The following EGR4 variants were observed in gnomAD, a reference collection of about 807,000 sequenced individuals.
EGR4 encodes the protein early growth response 4.
EGR4 carries 22 observed loss-of-function variants against 25.4 expected under a neutral mutation model. The observed-to-expected ratio is 0.87, with a 90% confidence interval of 0.62 to 1.24. The LOEUF (loss-of-function observed/expected upper bound fraction) is 1.24. Among genes scored for constraint, EGR4 ranks in the 50% most tolerant of loss-of-function variants. The pLI is 0.00. For missense variants in EGR4, 742 were observed against 702.9 expected (o/e 1.06, Z -0.63); for synonymous variants, 375 against 320.1 (o/e 1.17, Z -1.83).
chr2:73,293,485 C>T lies in EGR4; in HGVS notation c.-168G>A. 1 of 1,504,220 alleles carries T rather than the reference C, an allele frequency of 6.6e-7. No homozygotes were observed. Among genetic ancestry groups the T allele is most frequent in the Non-Finnish European group, 8.8e-7 (1 of 1,129,944 alleles). 93.2% of individuals were successfully genotyped at this position (1,504,220 alleles called of 1,614,324 possible). On this transcript the variant is annotated 5_prime_UTR_variant, in exon 1 of 2. Coordinates refer to ENST00000436467, the MANE Select transcript of EGR4 (RefSeq NM_001965.4). ...GGAAAGGAGTCGGGGAGCCGCGGCGCCCTCGCTCGCCCGCACCGGCCTCGG... is the reference window on the plus strand; with the variant it reads ...GGAAAGGAGTCGGGGAGCCGCGGCGTCCTCGCTCGCCCGCACCGGCCTCGG...
rs1444241113 is a variant in EGR4, at chr2:73,291,764, T to C, written c.1154A>G (p.Glu385Gly). 6.2e-7 allele frequency: 1 copy of C among 1,601,240 alleles called. No individual in the cohort carries two copies. The highest frequency in any genetic ancestry group is 1.3e-5 in the African/African-American group (1 of 74,884). ...GCGCGCAAAGCTCCGCACACAACTC[T>C]CCACCGGGCAAGCGAAGGCCTTGGC... ...PHAKAFACPV[E>G]SCVRSFARSD... is the part of the protein sequence containing the mutation. The change falls in exon 2 of 2, where the codon GAG becomes GGG. Residue 385 changes from glutamate to glycine, a missense_variant. Physicochemically the swap from Glu to Gly is moderately conservative, Grantham distance 98 (BLOSUM62 -2). Transcript: ENST00000436467.
chr2:73,292,080 C>T lies in EGR4; in HGVS notation c.838G>A (p.Ala280Thr), dbSNP rs1251234337. 7 of 1,610,648 alleles carry T rather than the reference C, an allele frequency of 4.3e-6. No homozygotes were observed. Among genetic ancestry groups the T allele is most frequent in the Non-Finnish European group, 5.9e-6 (7 of 1,178,766 alleles). ...GTCAGGAGCCCAGGGAGGCCCTCAG[C>T]CCCCTCCCCTAAGTCACCCGGGGCC... is the stretch of plus-strand genomic sequence containing the variant. The part of the protein sequence containing the change: ...PLAPGDLGEG[A>T]EGLPGLLTPP... Residue 280 changes from alanine to threonine, a missense_variant, in exon 2 of 2, where the codon GCT (alanine) becomes ACT (threonine). Physicochemically the swap from Ala to Thr is moderately conservative, Grantham distance 58 (BLOSUM62 0). Transcript: ENST00000436467.
At position 73,292,770 on chromosome 2, in the gene EGR4, A is replaced by G. The variant is rs752488413; in HGVS notation, c.148T>C (p.Leu50=). ...ATGYPGAGDF[L]SWALNSCGAS... Reference sequence around the variant, plus strand: ...CCGCAGCTGTTCAAAGCCCAGCTCAAGAAGTCGCCTGCTGAGGAGGGAGCA... The same window carrying G: ...CCGCAGCTGTTCAAAGCCCAGCTCAGGAAGTCGCCTGCTGAGGAGGGAGCA... The change falls in exon 2 of 2, where the codon TTG becomes CTG. Residue 50 remains leucine (L), a synonymous_variant. Coordinates refer to ENST00000436467, the MANE Select transcript of EGR4 (RefSeq NM_001965.4). The G allele has an allele frequency of 2.3e-5, 33 of 1,448,284 alleles. No individual in the cohort carries two copies. The highest frequency in any genetic ancestry group is 2.9e-5 in the African/African-American group (2 of 68,834). 89.7% of individuals were successfully genotyped at this position (1,448,284 alleles called of 1,614,324 possible). A position where few individuals can be genotyped will look rare whatever the true frequency, so the allele number is the denominator to read the frequency against.
At chr2:73,293,152 C>T (rs773249919) in intron 1 of EGR4, 30 bp downstream of exon 1, 67 of 1,429,782 alleles carry the variant, frequency 4.7e-5, no homozygotes, top group Non-Finnish European at 6.1e-5. Context: ...GCGCCGTCGT[C>T]GTCTGAGCAC....
chr2:73,292,187 A>G lies in EGR4; in HGVS notation c.731T>C (p.Leu244Pro), dbSNP rs1480402786. 1.3e-6 allele frequency: 2 copies of G among 1,589,938 alleles called. No individual in the cohort carries two copies. The highest frequency in any genetic ancestry group is 1.1e-5 in the South Asian group (1 of 87,936). Residue 244 changes from leucine (L) to proline (P), a missense_variant, in exon 2 of 2, where the codon CTG becomes CCG. By Grantham distance (98) the Leu-to-Pro change is moderately conservative. Transcript: ENST00000436467. Reference protein sequence around the residue: ...PVIGTKIEDLLSISCPAELPA... With the variant: ...PVIGTKIEDLPSISCPAELPA... ...CAGTTCCGCAGGGCAGCTGATGGAC[A>G]GCAAGTCCTCAATCTTGGTCCCTAT... is the stretch of plus-strand genomic sequence containing the variant.
chr2:73,293,098 G>C, intron 1 of EGR4, 84 bp downstream of exon 1: 1 of 1,288,762 alleles, frequency 7.8e-7, no homozygotes, highest in Non-Finnish European at 1.0e-6. Context: ...TAGCTCCAAT[G>C]TCCCAGTCCC....
Position 73,291,916 on chromosome 2 carries a change from T to G in EGR4, c.1002A>C (p.Gly334=), listed in dbSNP as rs1482054399. 1 of 1,576,662 alleles carries G rather than the reference T, an allele frequency of 6.3e-7. No individual in the cohort carries two copies. The highest frequency in any genetic ancestry group is 8.6e-7 in the Non-Finnish European group (1 of 1,162,580). Residue 334 remains glycine, a synonymous_variant, in exon 2 of 2, where the codon GGA becomes GGC. Coordinates refer to ENST00000436467, the MANE Select transcript of EGR4 (RefSeq NM_001965.4). The stretch of plus-strand genomic sequence containing the variant: ...CGGGTGGTGCAGCCACGCCACTGCT[T>G]CCAGGGATGTCCGCCACCAGAGGTT... The part of the protein sequence containing the change: ...FPKPLVADIP[G]SSGVAAPPVP...
Position 73,292,774 on chromosome 2 carries a change from GT to G in EGR4, c.143del (p.Asp48AlafsTer3). 1 of 1,445,014 alleles carries G rather than the reference GT, an allele frequency of 6.9e-7. No individual in the cohort carries two copies. 89.5% of individuals were successfully genotyped at this position (1,445,014 alleles called of 1,614,324 possible). ...AGCTGTTCAAAGCCCAGCTCAAGAAGTCGCCTGCTGAGGAGGGAGCAGGAAT... is the reference window on the plus strand; with the variant it reads ...AGCTGTTCAAAGCCCAGCTCAAGAAGCGCCTGCTGAGGAGGGAGCAGGAAT... ...PAATGYPGAG[D>X]FLSWALNSCG... On this transcript the variant is annotated frameshift_variant, in exon 2 of 2. Coordinates refer to ENST00000436467, the MANE Select transcript of EGR4 (RefSeq NM_001965.4). LOFTEE classifies it high-confidence loss of function.
In EGR4 at chr2:73,291,011, T is replaced by A. The variant is rs1213026052; in HGVS notation, c.*446A>T. Reference sequence around the variant, plus strand: ...AGAGTAGCGTCTGCTTTACAAAAATTAACAACAACAAAAGGAAAAAAAACC... The same window carrying A: ...AGAGTAGCGTCTGCTTTACAAAAATAAACAACAACAAAAGGAAAAAAAACC... On this transcript the variant is annotated 3_prime_UTR_variant, in exon 2 of 2. Transcript: ENST00000436467. The A allele has an allele frequency of 5.9e-6, 1 of 168,306 alleles. No homozygotes were observed. The highest frequency in any genetic ancestry group is 1.7e-4 in the East Asian group (1 of 5,858). The allele number at this position is 168,306 out of a possible 1,614,324, so 10.4% of individuals were successfully genotyped here. A position where few individuals can be genotyped will look rare whatever the true frequency, so the allele number is the denominator to read the frequency against.
rs865991064 is a variant in EGR4, at chr2:73,293,230, G to T, written c.88C>A (p.Pro30Thr). 1 of 1,569,424 alleles carries T rather than the reference G, an allele frequency of 6.4e-7. No individual in the cohort carries two copies. The highest frequency in any genetic ancestry group is 8.6e-7 in the Non-Finnish European group (1 of 1,159,370). ...GGAGCGTCCCTGGCAGGCAGCCGGG[G>T]CAATTCAGCGCTGGGTTCGGCGCAA... ...GCCAEPSAEL[P>T]RLPARDAPAA... The change falls in exon 1 of 2, where the codon CCC (proline) becomes ACC (threonine). Residue 30 changes from proline (P) to threonine (T), a missense_variant. Pro to Thr is a conservative substitution (Grantham distance 38). Transcript: ENST00000436467.
rs908712759 is a variant in EGR4, at chr2:73,291,789, C to A, written c.1129G>T (p.Ala377Ser). 3.1e-6 allele frequency: 5 copies of A among 1,597,194 alleles called. No individual in the cohort carries two copies. The highest frequency in any genetic ancestry group is 1.7e-5 in the Admixed American group (1 of 59,766). ...TCCACCGGGCAAGCGAAGGCCTTGG[C>A]GTGCGGCCGCGGGCAGAAGCAGCGC... Reference protein sequence around the residue: ...STRCFCPRPHAKAFACPVESC... With the variant: ...STRCFCPRPHSKAFACPVESC... Residue 377 changes from alanine (A) to serine (S), a missense_variant, in exon 2 of 2, where the codon GCC becomes TCC. Physicochemically the swap from Ala to Ser is moderately conservative, Grantham distance 99. Coordinates refer to ENST00000436467, the MANE Select transcript of EGR4 (RefSeq NM_001965.4).
chr2:73,292,089 C>G lies in EGR4; in HGVS notation c.829G>C (p.Gly277Arg), dbSNP rs747425932. The G allele has an allele frequency of 1.9e-6, 3 of 1,609,972 alleles. No homozygotes were observed. In the African/African-American group the frequency reaches 4.0e-5, roughly 22 times the overall value. The change falls in exon 2 of 2, where the codon GGG becomes CGG. Residue 277 changes from glycine (G) to arginine (R), a missense_variant. Transcript: ENST00000436467. ...CCAGGGAGGCCCTCAGCCCCCTCCC[C>G]TAAGTCACCCGGGGCCAGCGGGAAA... Reference protein sequence around the residue: ...DAFPLAPGDLGEGAEGLPGLL... With the variant: ...DAFPLAPGDLREGAEGLPGLL...
Position 73,291,641 on chromosome 2 carries a change from G to C in EGR4, c.1277C>G (p.Thr426Ser). ...GCCGGTGTGGGTGCGCACGTGCGTG[G>C]TGAGGTGGTCGCTGCGGCTGAAGTT... ...LRNFSRSDHL[T>S]THVRTHTGEK... The change falls in exon 2 of 2, where the codon ACC becomes AGC. Residue 426 changes from threonine to serine, a missense_variant. Coordinates refer to ENST00000436467, the MANE Select transcript of EGR4 (RefSeq NM_001965.4). 1 of 1,612,592 alleles carries C rather than the reference G, an allele frequency of 6.2e-7. No homozygotes were observed.
At chr2:73,293,111 C>T in intron 1 of EGR4, 71 bp downstream of exon 1, 1 of 1,340,336 alleles carries the variant, frequency 7.5e-7, no homozygotes, top group Non-Finnish European at 9.8e-7. Flanking sequence ...CCAGTCCCTC[C>T]TGGTTCTCAG....
In EGR4 at chr2:73,291,706, G is replaced by A. The variant is rs1689105137; in HGVS notation, c.1212C>T (p.His404=). The A allele has an allele frequency of 6.2e-7, 1 of 1,607,132 alleles. No homozygotes were observed. The highest frequency in any genetic ancestry group is 1.3e-5 in the African/African-American group (1 of 75,052). Reference sequence around the variant, plus strand: ...GGCACTGGAAGGGTTTGTGGCCCGTGTGGATGCGCAGGTGGCGATTGAGCT... The same window carrying A: ...GGCACTGGAAGGGTTTGTGGCCCGTATGGATGCGCAGGTGGCGATTGAGCT... ...SDELNRHLRI[H]TGHKPFQCRI... Residue 404 remains histidine, a synonymous_variant, in exon 2 of 2, where the codon CAC becomes CAT. Coordinates refer to ENST00000436467, the MANE Select transcript of EGR4 (RefSeq NM_001965.4).
Position 73,293,303 on chromosome 2 carries a change from G to T in EGR4, c.15C>A (p.Ser5Arg). Residue 5 changes from serine (S) to arginine (R), a missense_variant, in exon 1 of 2, where the codon AGC becomes AGA. Coordinates refer to ENST00000436467, the MANE Select transcript of EGR4 (RefSeq NM_001965.4). ...GGAGCGCGTCGGGTTCGGAAAACTC[G>T]CTAAGGTGGAGCATGGCGCGGCGCC... MLHL[S>R]EFSEPDALLV... 1 of 1,587,624 alleles carries T rather than the reference G, an allele frequency of 6.3e-7. No individual in the cohort carries two copies. Among genetic ancestry groups the T allele is most frequent in the Non-Finnish European group, 8.5e-7 (1 of 1,169,636 alleles).
Position 73,292,579 on chromosome 2 carries a change from G to A in EGR4, c.339C>T (p.Pro113=). 1 of 1,510,258 alleles carries A rather than the reference G, an allele frequency of 6.6e-7. No individual in the cohort carries two copies. Among genetic ancestry groups the A allele is most frequent in the Non-Finnish European group, 8.8e-7 (1 of 1,129,954 alleles). 93.6% of individuals were successfully genotyped at this position (1,510,258 alleles called of 1,614,324 possible). A position where few individuals can be genotyped will look rare whatever the true frequency, so the allele number is the denominator to read the frequency against. The part of the protein sequence containing the change: ...NLMSGILGLA[P]FPGPEAAASR... ...ACGCTGCTGCCTCTGGACCGGGGAA[G>A]GGTGCCAGGCCTAAGATGCCCGACA... Residue 113 remains proline (P), a synonymous_variant, in exon 2 of 2, where the codon CCC becomes CCT. Transcript: ENST00000436467.
Position 73,291,505 on chromosome 2 carries a change from G to A in EGR4, c.1413C>T (p.Leu471=). ...CCAGCGAGTAAAAGCCGAGGCCCTT[G>A]AGCCGCTCCTCGGCGCGCGCCTTCT... The part of the protein sequence containing the change: ...LKQKARAEER[L]KGLGFYSLGL... Residue 471 remains leucine, a synonymous_variant, in exon 2 of 2, where the codon CTC becomes CTT. Coordinates refer to ENST00000436467, the MANE Select transcript of EGR4 (RefSeq NM_001965.4). The A allele has an allele frequency of 6.2e-7, 1 of 1,612,592 alleles. No homozygotes were observed. The highest frequency in any genetic ancestry group is 8.5e-7 in the Non-Finnish European group (1 of 1,179,200).
At position 73,291,370 on chromosome 2, in the gene EGR4, G is replaced by A; in HGVS notation, c.*87C>T. ...AGGCCGGCCCTCGGGCGTGCGAGGA[G>A]GAGTTGGAAGAAGAGCGGGGAGGGG... On this transcript the variant is annotated 3_prime_UTR_variant, in exon 2 of 2. Coordinates refer to ENST00000436467, the MANE Select transcript of EGR4 (RefSeq NM_001965.4). 1 of 1,504,966 alleles carries A rather than the reference G, an allele frequency of 6.6e-7. No individual in the cohort carries two copies. Among genetic ancestry groups the A allele is most frequent in the Non-Finnish European group, 8.9e-7 (1 of 1,128,044 alleles). 93.2% of individuals were successfully genotyped at this position (1,504,966 alleles called of 1,614,324 possible). A position where few individuals can be genotyped will look rare whatever the true frequency, so the allele number is the denominator to read the frequency against.
Sources: allele counts gnomAD v4.1 joint callset, GRCh38; gene constraint gnomAD v4.1.1; transcripts MANE v1.5; gene names NCBI Gene and HGNC (gene_info 2026-07-23, HGNC 2026-07-21).